Variants in FGF12 observed in about 807,000 individuals in gnomAD.
FGF12 encodes the protein fibroblast growth factor 12, also known as fibroblast growth factor 12B.
Under a neutral mutation model 23.6 loss-of-function variants are expected in FGF12, and 14 were observed. The observed-to-expected ratio is 0.59, with a 90% confidence interval of 0.39 to 0.93. The LOEUF is 0.93. FGF12 is among the 40% of genes least tolerant of loss of function. The pLI is 0.00. For synonymous variants in FGF12, 62 were observed against 77.3 expected (o/e 0.80, Z 1.04); for missense variants, 175 against 217.8 (o/e 0.80, Z 1.24).
At chr3:192,550,170 T>C (rs560315939) in intron 2 of FGF12, among the ~76,000 whole-genome samples, 2 of 151,626 alleles carry the variant, frequency 1.3e-5, no homozygotes, top group South Asian at 2.1e-4. Flanking sequence ...ATTTTATGTG[T>C]CCACTTGAGT....
chr3:192,552,500 A>G (rs1711571862), intron 2 of FGF12, among the ~76,000 whole-genome samples: 1 of 151,536 alleles, frequency 6.6e-6, no homozygotes, highest in Admixed American at 6.6e-5. Context: ...CAAAGTGCTG[A>G]AAGATAATGG....
At chr3:192,705,196 G>C (rs919460614) in intron 2 of FGF12, among the ~76,000 whole-genome samples, 1 of 152,166 alleles carries the variant, frequency 6.6e-6, no homozygotes, top group South Asian at 2.1e-4. Context: ...AGCTTTCAGC[G>C]TATTTCAGCC....
chr3:192,467,306 C>CT (rs1723039282), intron 2 of FGF12, among the ~76,000 whole-genome samples: 1 of 152,178 alleles, frequency 6.6e-6, no homozygotes, highest in African/African-American at 2.4e-5. Context: ...CATCAGTTTC[C>CT]TTATTAACAA....
At chr3:192,210,714 C>T (rs1393594362) in intron 4 of FGF12, among the ~76,000 whole-genome samples, 1 of 149,400 alleles carries the variant, frequency 6.7e-6, no homozygotes, top group East Asian at 1.9e-4. Flanking sequence ...TCTTTACCAT[C>T]GCGGAGCTTA....
At chr3:192,723,860 TGTGAGAGAGA>T (rs1222814856) in intron 2 of FGF12, among the ~76,000 whole-genome samples, 1 of 119,054 alleles carries the variant, frequency 8.4e-6, no homozygotes, top group Admixed American at 8.6e-5. Context: ...TGTGTGTGTG[TGTGAGAGAGA>T]GAGAGAGAGG....
intron 2 of FGF12, among the ~76,000 whole-genome samples, chr3:192,605,494 C>T (rs566672615): frequency 5.3e-5 from 8 of 151,972 alleles, no homozygotes; most frequent in East Asian, 1.9e-4. Context: ...AATTGACAAG[C>T]GGAACCTAAT....
chr3:192,185,720 C>T (rs1716422996), intron 4 of FGF12, among the ~76,000 whole-genome samples: 1 of 151,832 alleles, frequency 6.6e-6, no homozygotes, highest in Non-Finnish European at 1.5e-5. Context: ...ATTAGCCAGG[C>T]ATGGTGGTGG....
At chr3:192,561,545 G>A (rs1712028201) in intron 2 of FGF12, among the ~76,000 whole-genome samples, 3 of 152,062 alleles carry the variant, frequency 2.0e-5, no homozygotes, top group Admixed American at 2.0e-4. Context: ...TATATTTTTA[G>A]TAGAGATGGG....
intron 4 of FGF12, among the ~76,000 whole-genome samples, chr3:192,182,598 T>C (rs35118989): frequency 0.11 from 16,819 of 152,074 alleles, 1,129 homozygotes; most frequent in African/African-American, 0.19. Flanking sequence ...AATAAATATG[T>C]TTACTTACCC....
chr3:192,624,420 ATAAAC>A (rs1203903324), intron 2 of FGF12, among the ~76,000 whole-genome samples: 3 of 152,124 alleles, frequency 2.0e-5, no homozygotes. Context: ...AATGCTACAG[ATAAAC>A]TAGACAAGAA....
At chr3:192,571,478 A>G (rs952775047) in intron 2 of FGF12, among the ~76,000 whole-genome samples, 2 of 152,260 alleles carry the variant, frequency 1.3e-5, no homozygotes, top group Non-Finnish European at 2.9e-5. Flanking sequence ...GCAGCGCGGC[A>G]TCAACAGGCA....
intron 2 of FGF12, among the ~76,000 whole-genome samples, chr3:192,589,349 T>G (rs917918570): frequency 4.8e-4 from 69 of 143,782 alleles, no homozygotes; most frequent in African/African-American, 1.7e-3. Context: ...AAAAAAAAAG[T>G]CCTAAAATTT....
chr3:192,225,793 G>T (rs992193329), intron 4 of FGF12, among the ~76,000 whole-genome samples: 3 of 152,140 alleles, frequency 2.0e-5, no homozygotes, highest in African/African-American at 7.2e-5. Context: ...AGGACACGTG[G>T]ACACATGTTA....
At chr3:192,352,670 T>C (rs947122588) in intron 3 of FGF12, among the ~76,000 whole-genome samples, 26 of 152,324 alleles carry the variant, frequency 1.7e-4, no homozygotes, top group African/African-American at 6.0e-4. Context: ...GCAGATGACA[T>C]TTATTAAGAA....
intron 2 of FGF12, among the ~76,000 whole-genome samples, chr3:192,545,678 T>C (rs146857265): frequency 2.0e-5 from 3 of 152,366 alleles, no homozygotes; most frequent in Non-Finnish European, 2.9e-5. Flanking sequence ...GGTTCTTTTA[T>C]GGATAAAATA....
intron 2 of FGF12, among the ~76,000 whole-genome samples, chr3:192,424,845 T>C (rs1389188268): frequency 1.3e-5 from 2 of 152,168 alleles, no homozygotes; most frequent in East Asian, 1.9e-4. Flanking sequence ...CAATAGGCCA[T>C]GTTTTTTATC....
At chr3:192,585,163 G>A (rs1713323218) in intron 2 of FGF12, among the ~76,000 whole-genome samples, 2 of 152,278 alleles carry the variant, frequency 1.3e-5, no homozygotes, top group Non-Finnish European at 1.5e-5. Context: ...TGCATGCCAA[G>A]TCAATTCTTT....
intron 2 of FGF12, among the ~76,000 whole-genome samples, chr3:192,650,175 C>T (rs149524060): frequency 2.6e-5 from 4 of 152,334 alleles, no homozygotes; most frequent in Non-Finnish European, 5.9e-5. Context: ...TAAAATTACA[C>T]ATACTCCAAA....
At chr3:192,673,254 CA>C (rs1460529260) in intron 2 of FGF12, 1 of 150,830 alleles carries the variant, frequency 6.6e-6, no homozygotes, top group Non-Finnish European at 1.5e-5. Flanking sequence ...GGGGCAACCA[CA>C]AAGAGGCCTG....
Sources: gnomAD v4.1 joint callset for allele counts (sites outside exome capture counted in the v4.1 genomes callset) on GRCh38, gnomAD v4.1.1 for gene constraint, MANE v1.5 for transcripts, NCBI Gene and HGNC (gene_info 2026-07-23, HGNC 2026-07-21) for gene names.